The following ZNF763 variants were observed in gnomAD, a reference collection of about 807,000 sequenced individuals.
The protein encoded by ZNF763 is zinc finger protein 763, also known as DNA-binding protein.
In ZNF763, 33 loss-of-function variants were observed where a neutral mutation model predicts 38.0. The ratio of observed to expected loss-of-function variants is 0.87; its 90% CI spans 0.66 to 1.16. The LOEUF is 1.16. Ranked by LOEUF, ZNF763 falls within the 50% of genes most tolerant of loss-of-function variation. The pLI is 0.00. For missense variants in ZNF763, 423 were observed against 469.1 expected (o/e 0.90, Z 0.91); for synonymous variants, 155 against 160.1 (o/e 0.97, Z 0.24).
Position 11,978,321 on chromosome 19 carries a change from G to A in ZNF763, c.397G>A (p.Ala133Thr). Residue 133 changes from alanine (A) to threonine (T), a missense_variant, in exon 4 of 4, where the codon GCA becomes ACA. Transcript: ENST00000358987. ...CATCAGAGGTGACATTGGGCACAAGGCATACGAGTATCAGGACTATGCACC... is the reference window on the plus strand; with the variant it reads ...CATCAGAGGTGACATTGGGCACAAGACATACGAGTATCAGGACTATGCACC... ...MNIRGDIGHK[A>T]YEYQDYAPKP... The A allele has an allele frequency of 6.2e-7, 1 of 1,614,112 alleles. No individual in the cohort carries two copies.
At chr19:11,977,206 C>G in intron 2 of ZNF763, 42 bp downstream of exon 2, 5 of 1,611,384 alleles carry the variant, frequency 3.1e-6, no homozygotes, top group Non-Finnish European at 4.2e-6. Context: ...ATTAGTGAAC[C>G]AGTGTTTCTA....
intron 1 of ZNF763, among the ~76,000 whole-genome samples, chr19:11,973,337 G>T (rs530372090): frequency 6.6e-6 from 1 of 152,192 alleles, no homozygotes; most frequent in South Asian, 2.1e-4. Context: ...GTAAAAATAT[G>T]CCTTGAAGGT....
intron 1 of ZNF763, among the ~76,000 whole-genome samples, chr19:11,967,467 C>T (rs1004250469): frequency 3.3e-5 from 5 of 152,144 alleles, no homozygotes; most frequent in Non-Finnish European, 5.9e-5. Context: ...TGCAGTGGCG[C>T]GATCTCGGCT....
chr19:11,979,920 G>A lies in ZNF763; in HGVS notation c.*811G>A, dbSNP rs1023576249. ...TATAAATGTAAGATATGTGGGAAAGGCTTTTATTCTGCCAAGTCATTTCAA... is the reference window on the plus strand; with the variant it reads ...TATAAATGTAAGATATGTGGGAAAGACTTTTATTCTGCCAAGTCATTTCAA... On this transcript the variant is annotated 3_prime_UTR_variant, in exon 4 of 4. Transcript: ENST00000358987. 8.1e-6 allele frequency: 11 copies of A among 1,357,606 alleles called. No homozygotes were observed. In the African/African-American group the frequency reaches 1.5e-4, roughly 18 times the overall value. The allele number at this position is 1,357,606 out of a possible 1,614,324, so 84.1% of individuals were successfully genotyped here.
At position 11,980,035 on chromosome 19, in the gene ZNF763, T is replaced by C; in HGVS notation, c.*926T>C. 9.0e-7 allele frequency: 1 copy of C among 1,110,886 alleles called. No homozygotes were observed. The highest frequency in any genetic ancestry group is 1.3e-6 in the Non-Finnish European group (1 of 742,386). The allele number at this position is 1,110,886 out of a possible 1,614,324, so 68.8% of individuals were successfully genotyped here. The stretch of plus-strand genomic sequence containing the variant: ...TTTCTTTCACTTCTTTTCGATAACA[T>C]GAAAGGACTCACACTGGAGAGAAAC... On this transcript the variant is annotated 3_prime_UTR_variant, in exon 4 of 4. Coordinates refer to ENST00000358987, the MANE Select transcript of ZNF763 (RefSeq NM_001367172.2).
Position 11,977,621 on chromosome 19 carries a change from A to G in ZNF763, c.191+190A>G, listed in dbSNP as rs138163208. Reference sequence around the variant, plus strand: ...CTCCTGTAATCCCAATCCTTTGAGAAGTGGAGATAGGAGGATAGCTTGAGG... The same window carrying G: ...CTCCTGTAATCCCAATCCTTTGAGAGGTGGAGATAGGAGGATAGCTTGAGG... On this transcript the variant is annotated intron_variant, in intron 3 of 3. Coordinates refer to ENST00000358987, the MANE Select transcript of ZNF763 (RefSeq NM_001367172.2). 4.9e-4 allele frequency among the ~76,000 whole-genome samples: 75 copies of G among 152,330 alleles called. 1 individual carries two copies. Among genetic ancestry groups the G allele is most frequent in the African/African-American group, 1.7e-3 (70 of 41,580 alleles).
intron 2 of ZNF763, 103 bp downstream of exon 2, chr19:11,977,267 T>C (rs920551967): frequency 1.1e-5 from 18 of 1,602,826 alleles, no homozygotes; most frequent in Admixed American, 3.5e-5. Flanking sequence ...AATACTTTGA[T>C]GAATAAATGA....
At chr19:11,975,956 A>G (rs2096320078) in intron 1 of ZNF763, among the ~76,000 whole-genome samples, 1 of 151,174 alleles carries the variant, frequency 6.6e-6, no homozygotes, top group African/African-American at 2.4e-5. Context: ...ATCAGCATCT[A>G]TCTAGCTACA....
Position 11,978,239 on chromosome 19 carries a change from A to G in ZNF763, c.315A>G (p.Ser105=), listed in dbSNP as rs367955439. ...AGAAAGCTTCTCCTGAAGCAAAATCATGTGATAACTTTGTATGTGGAGAAG... is the reference window on the plus strand; with the variant it reads ...AGAAAGCTTCTCCTGAAGCAAAATCGTGTGATAACTTTGTATGTGGAGAAG... ...QEKKASPEAK[S]CDNFVCGEVG... is the part of the protein sequence containing the mutation. The change falls in exon 4 of 4, where the codon TCA becomes TCG. Residue 105 remains serine (S), a synonymous_variant. Transcript: ENST00000358987. 4 of 1,613,942 alleles carry G rather than the reference A, an allele frequency of 2.5e-6. No homozygotes were observed. Among genetic ancestry groups the G allele is most frequent in the South Asian group, 1.1e-5 (1 of 91,078 alleles).
At chr19:11,977,694 A>G (rs1017804406) in intron 3 of ZNF763, among the ~76,000 whole-genome samples, 4 of 152,186 alleles carry the variant, frequency 2.6e-5, no homozygotes, top group Admixed American at 2.6e-4. Flanking sequence ...CCACAAATCA[A>G]CAACAGCAAA....
chr19:11,965,401 T>A (rs956716357), intron 1 of ZNF763, among the ~76,000 whole-genome samples, 190 bp downstream of exon 1: 1 of 152,118 alleles, frequency 6.6e-6, no homozygotes, highest in Non-Finnish European at 1.5e-5. Flanking sequence ...GGACCCCGGG[T>A]GTCCTGTCCT....
At chr19:11,972,136 ATACCTGG>A (rs1973365242) in intron 1 of ZNF763, among the ~76,000 whole-genome samples, 1 of 151,954 alleles carries the variant, frequency 6.6e-6, no homozygotes, top group Admixed American at 6.6e-5. Context: ...ATACAAAAAC[ATACCTGG>A]TCATGGTGAT....
intron 1 of ZNF763, among the ~76,000 whole-genome samples, chr19:11,971,889 T>A (rs773571314): frequency 2.0e-5 from 3 of 151,928 alleles, no homozygotes; most frequent in Non-Finnish European, 4.4e-5. Context: ...CGTGGAGGTT[T>A]CCATGTCTAC....
Position 11,978,280 on chromosome 19 carries a change from C to G in ZNF763, c.356C>G (p.Ser119Ter), listed in dbSNP as rs1335819986. 6.2e-7 allele frequency: 1 copy of G among 1,614,058 alleles called. No homozygotes were observed. Among genetic ancestry groups the G allele is most frequent in the Non-Finnish European group, 8.5e-7 (1 of 1,180,012 alleles). ...FVCGEVGIGN[S>*]SFNMNIRGDI... is the part of the protein sequence containing the mutation. The stretch of plus-strand genomic sequence containing the variant: ...TGTGGAGAAGTTGGCATAGGTAACT[C>G]ATCTTTTAATATGAACATCAGAGGT... Residue 119 changes from serine to a stop codon, truncating the protein, a stop_gained, in exon 4 of 4, where the codon TCA (serine) becomes TGA (stop). Coordinates refer to ENST00000358987, the MANE Select transcript of ZNF763 (RefSeq NM_001367172.2). LOFTEE classifies it high-confidence loss of function.
At position 11,978,271 on chromosome 19, in the gene ZNF763, T is replaced by C. The variant is rs376590606; in HGVS notation, c.347T>C (p.Ile116Thr). ...CDNFVCGEVGIGNSSFNMNIR... is the reference protein window; with the variant it reads ...CDNFVCGEVGTGNSSFNMNIR... Reference sequence around the variant, plus strand: ...AACTTTGTATGTGGAGAAGTTGGCATAGGTAACTCATCTTTTAATATGAAC... The same window carrying C: ...AACTTTGTATGTGGAGAAGTTGGCACAGGTAACTCATCTTTTAATATGAAC... Residue 116 changes from isoleucine (I) to threonine (T), a missense_variant, in exon 4 of 4, where the codon ATA becomes ACA. Ile to Thr is a moderately conservative substitution (Grantham distance 89, BLOSUM62 -1). Transcript: ENST00000358987. The C allele has an allele frequency of 6.8e-6, 11 of 1,613,956 alleles. No homozygotes were observed. The highest frequency in any genetic ancestry group is 8.5e-6 in the Non-Finnish European group (10 of 1,180,006).
In ZNF763 at chr19:11,977,450, G is replaced by T. The variant is rs1236173182; in HGVS notation, c.191+19G>T. On this transcript the variant is annotated intron_variant, in intron 3 of 3. Transcript: ENST00000358987. ...ACTTCAGGTAATTGGCACTTAAAGA[G>T]AAAGCAGTGTCTCTAGATGATTTTA... The T allele has an allele frequency of 2.5e-6, 4 of 1,613,018 alleles. No individual in the cohort carries two copies. The highest frequency in any genetic ancestry group is 3.4e-6 in the Non-Finnish European group (4 of 1,179,142).
intron 3 of ZNF763, 73 bp from the exon 4 acceptor site, chr19:11,978,043 A>C (rs1973533362): frequency 6.4e-7 from 1 of 1,552,472 alleles, no homozygotes; most frequent in Non-Finnish European, 8.7e-7. Context: ...CCATGTTAAA[A>C]ATGCAAGTGC....
chr19:11,979,092 TG>T lies in ZNF763; in HGVS notation c.1170del (p.Trp390Ter). The T allele has an allele frequency of 6.2e-7, 1 of 1,614,102 alleles. No homozygotes were observed. Among genetic ancestry groups the T allele is most frequent in the Non-Finnish European group, 8.5e-7 (1 of 1,180,026 alleles). Reference protein sequence around the residue: ...KFSNTPKNALWRKTL With the variant: ...KFSNTPKNALXRKTL ...TTCAAACACACCTAAGAATGCGCTC[TG>T]GAGAAAGACCTTATAAATGTTAGAT... On this transcript the variant is annotated frameshift_variant, in exon 4 of 4. Transcript: ENST00000358987. LOFTEE classifies it high-confidence loss of function.
intron 1 of ZNF763, among the ~76,000 whole-genome samples, chr19:11,967,474 G>A (rs961981832): frequency 6.6e-6 from 1 of 151,806 alleles, no homozygotes; most frequent in African/African-American, 2.4e-5. Context: ...GCGCGATCTC[G>A]GCTCACTGCA....
Sources: gnomAD v4.1 joint callset for allele counts (sites outside exome capture counted in the v4.1 genomes callset) on GRCh38, gnomAD v4.1.1 for gene constraint, MANE v1.5 for transcripts, NCBI Gene and HGNC (gene_info 2026-07-23, HGNC 2026-07-21) for gene names.